Variants in IRAK3 observed in about 807,000 individuals in gnomAD.
IRAK3 encodes interleukin 1 receptor associated kinase 3, also known as interleukin-1 receptor-associated kinase 3.
In IRAK3, 57 loss-of-function variants were observed where a neutral mutation model predicts 56.6. That is an observed-to-expected ratio of 1.01 (90% CI 0.81 to 1.26). The LOEUF (loss-of-function observed/expected upper bound fraction) is 1.26. Among genes scored for constraint, IRAK3 ranks in the 50% most tolerant of loss-of-function variants. The pLI is 0.00. For synonymous variants in IRAK3, 258 were observed against 255.7 expected, an observed-to-expected ratio of 1.01 and a Z score of -0.09; for missense variants, 703 against 719.0, an observed-to-expected ratio of 0.98 and a Z score of 0.25.
At chr12:66,246,822 A>G (rs2053037794) in intron 11 of IRAK3, among the ~76,000 whole-genome samples, 1 of 152,178 alleles carries the variant, frequency 6.6e-6, no homozygotes, top group Non-Finnish European at 1.5e-5. Flanking sequence ...TGTATGGTGT[A>G]TTAATTACAT....
rs1425204071 is a variant in IRAK3 at position 66,217,212 on chromosome 12, A to G, written c.630A>G (p.Leu210=). The G allele has an allele frequency of 1.9e-6, 3 of 1,611,898 alleles. No homozygotes were observed. Among genetic ancestry groups the G allele is most frequent in the Non-Finnish European group, 2.5e-6 (3 of 1,178,046 alleles). Reference sequence around the variant, plus strand: ...GTAAGAAGCATTGGAAGAGGTTTTTATCTGAGCTTGAAGTTTTACTACTGT... The same window carrying G: ...GTAAGAAGCATTGGAAGAGGTTTTTGTCTGAGCTTGAAGTTTTACTACTGT... ...MQCKKHWKRF[L]SELEVLLLFH... is the part of the protein sequence containing the mutation. The change falls in exon 6 of 12, where the codon TTA becomes TTG. Residue 210 remains leucine, a synonymous_variant. Transcript: ENST00000261233.
intron 8 of IRAK3, among the ~76,000 whole-genome samples, chr12:66,233,906 A>T (rs1037452703): frequency 6.6e-6 from 1 of 151,790 alleles, no homozygotes; most frequent in African/African-American, 2.4e-5. Flanking sequence ...CACCTTATAG[A>T]ACTTATAGCA....
intron 1 of IRAK3, among the ~76,000 whole-genome samples, chr12:66,203,180 C>T (rs576324548): frequency 3.9e-4 from 60 of 152,038 alleles, no homozygotes; most frequent in South Asian, 2.7e-3. Flanking sequence ...GTATCTTCCC[C>T]GAAATATTTA....
chr12:66,202,569 G>C (rs1019052317), intron 1 of IRAK3, among the ~76,000 whole-genome samples: 1 of 151,914 alleles, frequency 6.6e-6, no homozygotes, highest in Non-Finnish European at 1.5e-5. Context: ...CTTGATCCTA[G>C]GAGTTTGAGA....
Position 66,195,037 on chromosome 12 carries a change from A to AT in IRAK3, c.133+5608dup, listed in dbSNP as rs749123397. 2.6e-5 allele frequency among the ~76,000 whole-genome samples: 4 copies of AT among 152,050 alleles called. No individual in the cohort carries two copies. The South Asian group carries it at 8.3e-4, about 32-fold the overall frequency. ...GTCATCTTCATCCATCTATTTGCCT[A>AT]TTTGACAGACATCTCCAATTTAACA... On this transcript the variant is annotated intron_variant, in intron 1 of 11. Transcript: ENST00000261233.
At chr12:66,197,864 C>T in intron 1 of IRAK3, 2 of 985,106 alleles carry the variant, frequency 2.0e-6, no homozygotes, top group Non-Finnish European at 2.4e-6. Context: ...CAGGACGGGA[C>T]ATCCCAGAGT....
intron 8 of IRAK3, among the ~76,000 whole-genome samples, chr12:66,238,136 A>G (rs3782347): frequency 0.24 from 36,958 of 152,124 alleles, 4,864 homozygotes; most frequent in Middle Eastern, 0.36. Context: ...TCAGATAAAA[A>G]TAAAGCAGGG....
chr12:66,204,312 T>C (rs1033087681), intron 2 of IRAK3, among the ~76,000 whole-genome samples: 1 of 152,172 alleles, frequency 6.6e-6, no homozygotes, highest in Non-Finnish European at 1.5e-5. Context: ...AATATAATTG[T>C]ATTTTCCCCC....
intron 8 of IRAK3, among the ~76,000 whole-genome samples, chr12:66,235,610 C>G (rs1389241902): frequency 6.6e-6 from 1 of 151,446 alleles, no homozygotes; most frequent in Non-Finnish European, 1.5e-5. Flanking sequence ...AGGAGCAGCG[C>G]CGCCGCGTCC....
chr12:66,209,213 G>A (rs1409116777), intron 2 of IRAK3, among the ~76,000 whole-genome samples: 3 of 151,298 alleles, frequency 2.0e-5, no homozygotes, highest in Non-Finnish European at 4.4e-5. Flanking sequence ...ATAGATTAAG[G>A]CAACTACTTA....
rs1230537020 is a variant in IRAK3 at position 66,253,238 on chromosome 12, A to C, written c.*5067A>C. 11 of 152,204 alleles carry C rather than the reference A, an allele frequency of 7.2e-5. No individual in the cohort carries two copies. The highest frequency in any genetic ancestry group is 7.2e-4 in the Admixed American group (11 of 15,278). 9.4% of individuals were successfully genotyped at this position (152,204 alleles called of 1,614,324 possible). A position where few individuals can be genotyped will look rare whatever the true frequency, so the allele number is the denominator to read the frequency against. Reference sequence around the variant, plus strand: ...ATCATTGCTTAAATTATTCCATTTCATCATTCTTGAATAAAAGCTACTAAT... The same window carrying C: ...ATCATTGCTTAAATTATTCCATTTCCTCATTCTTGAATAAAAGCTACTAAT... On this transcript the variant is annotated 3_prime_UTR_variant, in exon 12 of 12. Coordinates refer to ENST00000261233, the MANE Select transcript of IRAK3 (RefSeq NM_007199.3).
intron 1 of IRAK3, among the ~76,000 whole-genome samples, chr12:66,198,718 A>G (rs1214363601): frequency 6.6e-6 from 1 of 151,740 alleles, no homozygotes; most frequent in Admixed American, 6.6e-5. Flanking sequence ...TACTATGTAA[A>G]TATTAGTCAA....
At chr12:66,238,050 AG>A (rs2136947738) in intron 8 of IRAK3, among the ~76,000 whole-genome samples, 1 of 152,338 alleles carries the variant, frequency 6.6e-6, no homozygotes, top group Admixed American at 6.5e-5. Flanking sequence ...TTTTGGAGAA[AG>A]GAGGAGCACT....
At chr12:66,221,960 C>T (rs1048336865) in intron 6 of IRAK3, among the ~76,000 whole-genome samples, 2 of 152,138 alleles carry the variant, frequency 1.3e-5, no homozygotes, top group African/African-American at 2.4e-5. Flanking sequence ...ACCCGGGAGG[C>T]GGAGGTTGCA....
intron 1 of IRAK3, among the ~76,000 whole-genome samples, chr12:66,193,100 C>T (rs1482025329): frequency 4.6e-5 from 7 of 152,046 alleles, no homozygotes; most frequent in African/African-American, 1.4e-4. Context: ...CTCCGCCTCC[C>T]GGGTTCAAAT....
intron 4 of IRAK3, among the ~76,000 whole-genome samples, chr12:66,211,226 A>T (rs2293657): frequency 0.22 from 32,996 of 152,176 alleles, 4,230 homozygotes; most frequent in Middle Eastern, 0.34. Context: ...GGTAAAAATC[A>T]CAATGCTGCT....
chr12:66,226,663 G>A (rs899839931), intron 6 of IRAK3, 60 bp from the exon 7 acceptor site: 60 of 945,696 alleles, frequency 6.3e-5, no homozygotes, highest in Non-Finnish European at 1.0e-4. Context: ...ACACCAGTGT[G>A]TTGTTCATTT....
intron 8 of IRAK3, among the ~76,000 whole-genome samples, chr12:66,237,882 AG>A (rs2052924572): frequency 6.6e-6 from 1 of 152,252 alleles, no homozygotes; most frequent in Non-Finnish European, 1.5e-5. Context: ...TGAGTAGTCT[AG>A]GGCTACCCTC....
At chr12:66,243,378 CT>C (rs1337221903) in intron 8 of IRAK3, among the ~76,000 whole-genome samples, 3 of 152,192 alleles carry the variant, frequency 2.0e-5, no homozygotes, top group Non-Finnish European at 4.4e-5. Context: ...TGCTGTAGCA[CT>C]TTTAGTAACA....
Sources: allele counts gnomAD v4.1 joint callset (sites outside exome capture counted in the v4.1 genomes callset), GRCh38; gene constraint gnomAD v4.1.1; transcripts MANE v1.5; gene names NCBI Gene and HGNC (gene_info 2026-07-23, HGNC 2026-07-21).